The following PDE1C variants were observed in gnomAD, a reference collection of about 807,000 sequenced individuals.
PDE1C encodes dual specificity calcium/calmodulin-dependent 3',5'-cyclic nucleotide phosphodiesterase 1C.
PDE1C carries 62 observed loss-of-function variants against 93.1 expected under a neutral mutation model. That is an observed-to-expected ratio of 0.67 (90% CI 0.54 to 0.82). The LOEUF (loss-of-function observed/expected upper bound fraction) is 0.82, where lower values mean the gene tolerates loss of function less well. PDE1C is among the 40% of genes least tolerant of loss of function. The pLI, the probability that PDE1C is intolerant of heterozygous loss-of-function variation, is 0.00. For missense variants in PDE1C, 742 were observed against 884.6 expected (o/e 0.84, Z 2.04); for synonymous variants, 325 against 310.1 (o/e 1.05, Z -0.50).
chr7:31,920,153 C>A (rs1802416818), intron 2 of PDE1C, among the ~76,000 whole-genome samples: 1 of 152,178 alleles, frequency 6.6e-6, no homozygotes, highest in Non-Finnish European at 1.5e-5. Flanking sequence ...GTGGGCTCAA[C>A]GTCCTACCCA....
At chr7:31,719,676 G>C in the PDE1C span, among the ~76,000 whole-genome samples, 6 of 152,124 alleles carry the variant, frequency 3.9e-5, no homozygotes, top group African/African-American at 1.4e-4. Flanking sequence ...TTGTCCGACA[G>C]ACAGTAGCTG....
chr7:31,735,101 TG>T, the PDE1C span, among the ~76,000 whole-genome samples: 82 of 152,260 alleles, frequency 5.4e-4, no homozygotes, highest in African/African-American at 1.8e-3. Context: ...GATTAATATT[TG>T]AAAAGGATTG....
intron 1 of PDE1C, among the ~76,000 whole-genome samples, chr7:32,269,643 C>T (rs1810835265): frequency 6.6e-6 from 1 of 152,128 alleles, no homozygotes. Context: ...CCATGCCCAT[C>T]TAATTTTTGT....
chr7:32,327,755 G>A (rs1286323940), intron 1 of PDE1C, among the ~76,000 whole-genome samples: 4 of 131,980 alleles, frequency 3.0e-5, no homozygotes, highest in Admixed American at 8.2e-5. Flanking sequence ...GGGCAACAGC[G>A]CTAGACTCTG....
At chr7:31,871,526 T>A (rs1176460744) in intron 6 of PDE1C, among the ~76,000 whole-genome samples, 1 of 151,586 alleles carries the variant, frequency 6.6e-6, no homozygotes, top group Non-Finnish European at 1.5e-5. Context: ...AAATAACAAA[T>A]AATCCCATTA....
intron 3 of PDE1C, among the ~76,000 whole-genome samples, chr7:32,155,395 A>G (rs1242206620): frequency 3.3e-5 from 5 of 152,230 alleles, no homozygotes; most frequent in Admixed American, 3.3e-4. Flanking sequence ...TGCTTAACAC[A>G]CAATCTCTAG....
At position 32,091,283 on chromosome 7, in the gene PDE1C, G is replaced by A. The variant is rs78124188; in HGVS notation, c.308+78502C>T. On this transcript the variant is annotated intron_variant, in intron 3 of 18. Transcript: ENST00000396193. ...GTCTTTCTGTGCAACTTTCCCCTGT[G>A]CTTCAATGAACTTTAGATGTAATCT... Among the ~76,000 whole-genome samples the A allele has an allele frequency of 4.9e-3, 740 of 152,264 alleles. 9 individuals carry two copies. Among genetic ancestry groups the A allele is most frequent in the African/African-American group, 0.017 (707 of 41,552 alleles).
chr7:32,195,216 G>C (rs994881217), intron 2 of PDE1C, among the ~76,000 whole-genome samples: 12 of 152,296 alleles, frequency 7.9e-5, no homozygotes, highest in African/African-American at 2.9e-4. Context: ...GTTGCTTACT[G>C]TGTTCTTTCT....
intron 3 of PDE1C, among the ~76,000 whole-genome samples, chr7:32,145,976 G>A (rs925206032): frequency 6.6e-6 from 1 of 152,116 alleles, no homozygotes; most frequent in African/African-American, 2.4e-5. Context: ...CGGGCCTTTA[G>A]ATTTTTAGCT....
chr7:32,246,562 T>C (rs559212643), intron 1 of PDE1C, among the ~76,000 whole-genome samples: 1 of 152,184 alleles, frequency 6.6e-6, no homozygotes, highest in Admixed American at 6.5e-5. Flanking sequence ...TTAGCAAAAG[T>C]GAGCCTACAC....
chr7:31,923,388 A>G (rs963838187), intron 2 of PDE1C, among the ~76,000 whole-genome samples: 17 of 152,276 alleles, frequency 1.1e-4, no homozygotes, highest in African/African-American at 4.1e-4. Flanking sequence ...GGAGGACAGG[A>G]CAAGTGGCCC....
Position 32,278,885 on chromosome 7 carries a change from A to C in PDE1C, c.85+19766T>G, listed in dbSNP as rs149166471. Among the ~76,000 whole-genome samples, 646 of 152,336 alleles carry C rather than the reference A, an allele frequency of 4.2e-3. 6 individuals carry two copies. The highest frequency in any genetic ancestry group is 0.032 in the East Asian group (164 of 5,184). ...TTTTAAAAGATAAACAATTGGCAGAAAGCTGGATATAAAAGAGGACTCAAT... is the reference window on the plus strand; with the variant it reads ...TTTTAAAAGATAAACAATTGGCAGACAGCTGGATATAAAAGAGGACTCAAT... On this transcript the variant is annotated intron_variant, in intron 1 of 18. Transcript: ENST00000396193.
At chr7:31,916,738 T>C (rs1211361112) in intron 2 of PDE1C, among the ~76,000 whole-genome samples, 2 of 152,116 alleles carry the variant, frequency 1.3e-5, no homozygotes, top group African/African-American at 2.4e-5. Flanking sequence ...TTGGGAGAGC[T>C]AGACAAAACA....
intron 2 of PDE1C, among the ~76,000 whole-genome samples, chr7:31,956,017 A>G (rs1361977920): frequency 2.0e-5 from 3 of 152,166 alleles, no homozygotes; most frequent in Non-Finnish European, 4.4e-5. Context: ...GGGATTAACA[A>G]CAGCACCTGA....
intron 1 of PDE1C, among the ~76,000 whole-genome samples, chr7:32,069,173 C>G (rs924342001): frequency 6.6e-6 from 1 of 152,106 alleles, no homozygotes; most frequent in Non-Finnish European, 1.5e-5. Context: ...CAATAAGGAC[C>G]CCTTAAAGAA....
intron 16 of PDE1C, among the ~76,000 whole-genome samples, chr7:31,794,087 GAC>G (rs1784971733): frequency 1.4e-5 from 2 of 146,872 alleles, no homozygotes; most frequent in Non-Finnish European, 3.0e-5. Flanking sequence ...CAGACAGACA[GAC>G]AGATAGATAG....
intron 3 of PDE1C, among the ~76,000 whole-genome samples, chr7:32,083,299 G>T (rs1007402777): frequency 1.3e-5 from 2 of 150,356 alleles, no homozygotes; most frequent in Non-Finnish European, 3.0e-5. Context: ...GAAGTTTACA[G>T]AAAAAAGAAT....
the PDE1C span, chr7:31,697,092 C>T: frequency 6.2e-7 from 1 of 1,614,010 alleles, no homozygotes; most frequent in Non-Finnish European, 8.5e-7. Context: ...ACACACCTGC[C>T]CTGCACATGT....
At chr7:31,870,385 A>G (rs1007900276) in intron 6 of PDE1C, among the ~76,000 whole-genome samples, 1 of 152,042 alleles carries the variant, frequency 6.6e-6, no homozygotes, top group Admixed American at 6.6e-5. Context: ...AAAAGAGAAG[A>G]TCCAAATAAA....
Sources: gnomAD v4.1 joint callset for allele counts (sites outside exome capture counted in the v4.1 genomes callset) on GRCh38, gnomAD v4.1.1 for gene constraint, MANE v1.5 for transcripts, NCBI Gene and HGNC (gene_info 2026-07-23, HGNC 2026-07-21) for gene names.